RYK: variants seen among roughly 807,000 people sequenced by gnomAD.
The protein encoded by RYK is inactive tyrosine-protein kinase RYK.
RYK carries 21 observed loss-of-function variants against 70.2 expected under a neutral mutation model. The ratio of observed to expected loss-of-function variants is 0.30; its 90% CI spans 0.21 to 0.43. RYK has a LOEUF of 0.43. Ranked by LOEUF, RYK falls within the 20% of genes least tolerant of loss-of-function variation. The pLI is 1.00. For synonymous variants in RYK, 267 were observed against 278.0 expected (o/e 0.96, Z 0.39); for missense variants, 604 against 753.3 (o/e 0.80, Z 2.32).
intron 12 of RYK, 41 bp from the exon 13 acceptor site, chr3:134,175,809 T>A (rs977877408): frequency 6.8e-6 from 11 of 1,608,480 alleles, no homozygotes; most frequent in Non-Finnish European, 9.4e-6. Context: ...AATCAGAGTA[T>A]TAAAAAGTAG....
chr3:134,188,679 A>C (rs1016220046), intron 9 of RYK, among the ~76,000 whole-genome samples, 158 bp downstream of exon 9: 12 of 152,200 alleles, frequency 7.9e-5, no homozygotes, highest in African/African-American at 2.2e-4. Flanking sequence ...TTTCCAAAAC[A>C]ATTAGGCTCA....
intron 5 of RYK, among the ~76,000 whole-genome samples, chr3:134,206,678 GA>G (rs1475857857): frequency 2.6e-5 from 4 of 152,058 alleles, no homozygotes; most frequent in Admixed American, 1.3e-4. Context: ...GATCTACACT[GA>G]AATATTTATG....
At chr3:134,177,243 G>A (rs2013137225) in intron 11 of RYK, among the ~76,000 whole-genome samples, 1 of 152,122 alleles carries the variant, frequency 6.6e-6, no homozygotes, top group Non-Finnish European at 1.5e-5. Flanking sequence ...CTTTAGTCTT[G>A]TCAATTTACA....
intron 13 of RYK, among the ~76,000 whole-genome samples, chr3:134,170,188 AT>A: frequency 6.6e-6 from 1 of 152,354 alleles, no homozygotes; most frequent in African/African-American, 2.4e-5. Context: ...ATACATATAT[AT>A]GGAAACAAAT....
chr3:134,160,470 T>C (rs1338048935), intron 13 of RYK, among the ~76,000 whole-genome samples: 1 of 152,130 alleles, frequency 6.6e-6, no homozygotes, highest in Non-Finnish European at 1.5e-5. Flanking sequence ...CCAAAATACT[T>C]TGTAAAATAC....
At chr3:134,199,435 C>T (rs991279084) in intron 6 of RYK, among the ~76,000 whole-genome samples, 1 of 152,262 alleles carries the variant, frequency 6.6e-6, no homozygotes, top group African/African-American at 2.4e-5. Context: ...GGATTATTAA[C>T]ACATAGCTAT....
chr3:134,220,940 C>T (rs1395735222), intron 2 of RYK, among the ~76,000 whole-genome samples: 1 of 151,998 alleles, frequency 6.6e-6, no homozygotes, highest in Non-Finnish European at 1.5e-5. Flanking sequence ...GTCCCATCAA[C>T]GAGGTACTTC....
In RYK at chr3:134,175,664, C is replaced by T. The variant is rs771192909; in HGVS notation, c.1520G>A (p.Arg507His). 1.4e-5 allele frequency: 22 copies of T among 1,613,878 alleles called. No homozygotes were observed. The highest frequency in any genetic ancestry group is 6.7e-5 in the African/African-American group (5 of 74,928). The change falls in exon 13 of 15, where the codon CGT (arginine) becomes CAT (histidine). Residue 507 changes from arginine (R) to histidine (H), a missense_variant. By Grantham distance (29) the Arg-to-His change is conservative. This residue lies in a region of RYK where 138 missense variants were observed against 217.4 expected (regional missense o/e 0.63). Coordinates refer to ENST00000623711, the MANE Select transcript of RYK (RefSeq NM_002958.4). ...AACCAGACTTTCAAGAGCCATCCAACGAACTGGCCTGTTTTCATTGTCCCC... is the reference window on the plus strand; with the variant it reads ...AACCAGACTTTCAAGAGCCATCCAATGAACTGGCCTGTTTTCATTGTCCCC... ...CLGDNENRPV[R>H]WMALESLVNN...
At chr3:134,213,555 T>C (rs1267817733) in intron 2 of RYK, among the ~76,000 whole-genome samples, 1 of 152,130 alleles carries the variant, frequency 6.6e-6, no homozygotes, top group African/African-American at 2.4e-5. Context: ...CCTTCTGTTT[T>C]TTCCCCATTC....
In RYK at chr3:134,191,730, T is replaced by TG; in HGVS notation, c.1015+118dup. ...TTTTTATAAAAGAAAAACCATACAC[T>TG]GCTTCCTATCCTTATCTTAGACACA... On this transcript the variant is annotated intron_variant, in intron 8 of 14. Coordinates refer to ENST00000623711, the MANE Select transcript of RYK (RefSeq NM_002958.4). 6.7e-6 allele frequency: 5 copies of TG among 746,286 alleles called. No homozygotes were observed. In the East Asian group the frequency reaches 1.5e-4, roughly 22 times the overall value. The allele number at this position is 746,286 out of a possible 1,614,324, so 46.2% of individuals were successfully genotyped here. A position where few individuals can be genotyped will look rare whatever the true frequency, so the allele number is the denominator to read the frequency against.
In RYK at chr3:134,222,497, C is replaced by T; in HGVS notation, c.275G>A (p.Ser92Asn). 3 of 1,612,924 alleles carry T rather than the reference C, an allele frequency of 1.9e-6. No individual in the cohort carries two copies. The highest frequency in any genetic ancestry group is 2.5e-6 in the Non-Finnish European group (3 of 1,179,176). ...ELYYVRNDLI[S>N]HYALSFSLLV... ...CAGACTAAAGGATAGAGCGTAGTGA[C>T]TAATAAGGTCATTTCTCACATAATA... The change falls in exon 2 of 15, where the codon AGT (serine) becomes AAT (asparagine). Residue 92 changes from serine (S) to asparagine (N), a missense_variant. This residue lies in a region of RYK where 466 missense variants were observed against 535.9 expected (regional missense o/e 0.87). Transcript: ENST00000623711.
intron 2 of RYK, among the ~76,000 whole-genome samples, chr3:134,214,737 T>C (rs1025792881): frequency 6.6e-6 from 1 of 152,184 alleles, no homozygotes; most frequent in Non-Finnish European, 1.5e-5. Flanking sequence ...CCTCGTCTTA[T>C]TCCAACCTTA....
chr3:134,161,456 T>G (rs1387554415), intron 13 of RYK, among the ~76,000 whole-genome samples: 1 of 152,170 alleles, frequency 6.6e-6, no homozygotes, highest in East Asian at 1.9e-4. Flanking sequence ...CAACCCAAAA[T>G]GCCTCCGGAC....
At chr3:134,222,687 CA>C (rs1419476921) in intron 1 of RYK, 148 bp from the exon 2 acceptor site, 1 of 625,346 alleles carries the variant, frequency 1.6e-6, no homozygotes, top group African/African-American at 1.9e-5. Context: ...CCTTATGAAG[CA>C]AAAAAGACAC....
chr3:134,200,890 A>G (rs1436380413), intron 6 of RYK, among the ~76,000 whole-genome samples: 4 of 152,248 alleles, frequency 2.6e-5, no homozygotes, highest in Non-Finnish European at 4.4e-5. Context: ...CCTGAAAACT[A>G]AAGAGAACTG....
chr3:134,175,776 G>A lies in RYK; in HGVS notation c.1416-8C>T. 1 of 1,613,554 alleles carries A rather than the reference G, an allele frequency of 6.2e-7. No individual in the cohort carries two copies. Among genetic ancestry groups the A allele is most frequent in the Non-Finnish European group, 8.5e-7 (1 of 1,179,538 alleles). On this transcript the variant is annotated splice_polypyrimidine_tract_variant and splice_region_variant and intron_variant, in intron 12 of 14. Coordinates refer to ENST00000623711, the MANE Select transcript of RYK (RefSeq NM_002958.4). ...TGAAGTGTGTCATCAATGCTGAAAA[G>A]TAAAGATATGAACATCAAATGCAAT...
At chr3:134,201,770 G>C (rs1421380779) in intron 6 of RYK, among the ~76,000 whole-genome samples, 1 of 152,154 alleles carries the variant, frequency 6.6e-6, no homozygotes, top group Admixed American at 6.5e-5. Flanking sequence ...AGCAATAAGA[G>C]GAGAAAAGGT....
At chr3:134,176,908 C>T (rs1318380823) in intron 11 of RYK, among the ~76,000 whole-genome samples, 1 of 150,806 alleles carries the variant, frequency 6.6e-6, no homozygotes, top group Non-Finnish European at 1.5e-5. Context: ...ATTAGCCGGG[C>T]GTGGTGGCAG....
chr3:134,183,071 T>C lies in RYK; in HGVS notation c.1103A>G (p.Asp368Gly), dbSNP rs773148971. ...EKQAFVKTVK[D>G]QASEIQVTMM... ...TGTCACCTGAATTTCAGAAGCTTGA[T>C]CTATATATAAAGAAAAGAAAATGTC... Residue 368 changes from aspartate (D) to glycine (G), a missense_variant and splice_region_variant, in exon 10 of 15, where the codon GAT becomes GGT. Physicochemically the swap from Asp to Gly is moderately conservative, Grantham distance 94 (BLOSUM62 -1). This residue lies in a region of RYK where 466 missense variants were observed against 535.9 expected (regional missense o/e 0.87). Coordinates refer to ENST00000623711, the MANE Select transcript of RYK (RefSeq NM_002958.4). 4.5e-6 allele frequency: 7 copies of C among 1,565,232 alleles called. No individual in the cohort carries two copies. In the South Asian group the frequency reaches 5.9e-5, roughly 13 times the overall value.
Sources: allele counts gnomAD v4.1 joint callset (sites outside exome capture counted in the v4.1 genomes callset), GRCh38; gene constraint gnomAD v4.1.1; regional missense constraint gnomAD v4.1.1; transcripts MANE v1.5; gene names NCBI Gene and HGNC (gene_info 2026-07-23, HGNC 2026-07-21).